The following TMEM232 variants were observed in gnomAD, a reference collection of about 807,000 sequenced individuals.
TMEM232 encodes transmembrane protein 232.
Under a neutral mutation model 78.8 loss-of-function variants are expected in TMEM232, and 80 were observed. The ratio of observed to expected loss-of-function variants is 1.01; its 90% CI spans 0.85 to 1.22. TMEM232 has a LOEUF of 1.22. Among genes scored for constraint, TMEM232 ranks in the 50% most tolerant of loss-of-function variants. TMEM232 has a pLI of 0.00. For missense variants in TMEM232, 881 were observed against 742.2 expected (o/e 1.19, Z -2.17); for synonymous variants, 297 against 254.3 (o/e 1.17, Z -1.60).
chr5:110,528,498 T>C, intron 12 of TMEM232, 90 bp downstream of exon 12: 1 of 1,323,940 alleles, frequency 7.6e-7, no homozygotes, highest in Non-Finnish European at 9.8e-7. Flanking sequence ...AGAAACTGAG[T>C]TAAATGATGT....
intron 10 of TMEM232, among the ~76,000 whole-genome samples, chr5:110,573,791 G>A (rs1271787747): frequency 6.6e-6 from 1 of 152,164 alleles, no homozygotes; most frequent in Non-Finnish European, 1.5e-5. Flanking sequence ...CAAGGGAAAA[G>A]CATTTCCAAG....
At chr5:110,513,516 A>G (rs2149478244) in intron 12 of TMEM232, among the ~76,000 whole-genome samples, 1 of 152,282 alleles carries the variant, frequency 6.6e-6, no homozygotes, top group East Asian at 1.9e-4. Context: ...CCAAGTAAAA[A>G]GTCAACAAAG....
intron 11 of TMEM232, among the ~76,000 whole-genome samples, chr5:110,537,276 CTT>C (rs1772497766): frequency 7.0e-6 from 1 of 143,382 alleles, no homozygotes; most frequent in South Asian, 2.1e-4. Flanking sequence ...AAAGAGAAAA[CTT>C]ATATATATAT....
At position 110,651,793 on chromosome 5, in the gene TMEM232, C is replaced by T. The variant is rs150983423; in HGVS notation, c.126-9422G>A. ...TGGGGCAAGGGATGGAGGCAGTGGA[C>T]ATGAAGAAACTGTGCTTCAGGTCGC... On this transcript the variant is annotated intron_variant, in intron 2 of 13. Coordinates refer to ENST00000455884, the MANE Select transcript of TMEM232 (RefSeq NM_001039763.4). Among the ~76,000 whole-genome samples the T allele has an allele frequency of 7.2e-5, 11 of 152,052 alleles. No individual in the cohort carries two copies. In the East Asian group the frequency reaches 1.9e-3, roughly 27 times the overall value.
chr5:110,527,199 T>C (rs1770729543), intron 12 of TMEM232, among the ~76,000 whole-genome samples: 1 of 151,828 alleles, frequency 6.6e-6, no homozygotes, highest in Non-Finnish European at 1.5e-5. Flanking sequence ...AAAGATAATA[T>C]GTACAAGTTT....
upstream of TMEM232, chr5:110,738,267 A>T (rs1203148126): frequency 2.3e-6 from 3 of 1,281,808 alleles, no homozygotes; most frequent in African/African-American, 3.1e-5. Context: ...GACGCTCTAC[A>T]GTAGTCCTCT....
chr5:110,620,949 G>T (rs932162701), intron 7 of TMEM232, among the ~76,000 whole-genome samples: 1 of 131,360 alleles, frequency 7.6e-6, no homozygotes, highest in Admixed American at 9.0e-5. Context: ...TGCAACCTCC[G>T]CCTCCTGGGT....
At chr5:110,431,891 GA>G (rs1322847002) in intron 12 of TMEM232, among the ~76,000 whole-genome samples, 1 of 151,594 alleles carries the variant, frequency 6.6e-6, no homozygotes, top group African/African-American at 2.4e-5. Flanking sequence ...ACATATATGA[GA>G]ATGTTCCTAG....
At position 110,643,212 on chromosome 5, in the gene TMEM232, G is replaced by C. The variant is rs78739568; in HGVS notation, c.126-841C>G. ...TTCACTAAGATGGGGAAAATTGTTA[G>C]AGAAGCGGATGTGGGGTGAAGATAG... On this transcript the variant is annotated intron_variant, in intron 2 of 13. Transcript: ENST00000455884. Among the ~76,000 whole-genome samples the C allele has an allele frequency of 5.6e-3, 852 of 152,182 alleles. 8 individuals carry two copies. Among genetic ancestry groups the C allele is most frequent in the African/African-American group, 0.019 (804 of 41,554 alleles).
intron 2 of TMEM232, among the ~76,000 whole-genome samples, chr5:110,653,293 G>C (rs1353865030): frequency 6.6e-6 from 1 of 152,204 alleles, no homozygotes; most frequent in Non-Finnish European, 1.5e-5. Flanking sequence ...CACTTAATCT[G>C]TGGGAGCTAT....
At chr5:110,569,747 G>A (rs1776733527) in intron 10 of TMEM232, among the ~76,000 whole-genome samples, 1 of 151,816 alleles carries the variant, frequency 6.6e-6, no homozygotes, top group African/African-American at 2.4e-5. Flanking sequence ...ACCGGAGGGG[G>A]TACTAACTAT....
chr5:110,608,755 C>T (rs1019928948), intron 8 of TMEM232, among the ~76,000 whole-genome samples: 3 of 151,920 alleles, frequency 2.0e-5, no homozygotes, highest in Admixed American at 1.3e-4. Flanking sequence ...TGGAGTTTGT[C>T]GAAAACAAAA....
In TMEM232 at chr5:110,467,975, G is replaced by A. The variant is rs76757246; in HGVS notation, c.1704-43059C>T. On this transcript the variant is annotated intron_variant, in intron 12 of 13. Transcript: ENST00000455884. The stretch of plus-strand genomic sequence containing the variant: ...TACCTTTACATGACATTCTTCCTGT[G>A]TGCATATTTGTGGCCAATCCCCACT... 1.4e-4 allele frequency among the ~76,000 whole-genome samples: 21 copies of A among 151,924 alleles called. No individual in the cohort carries two copies. The East Asian group carries it at 4.1e-3, about 29-fold the overall frequency.
intron 1 of TMEM232, among the ~76,000 whole-genome samples, chr5:110,669,264 T>C (rs1449084061): frequency 2.6e-5 from 4 of 151,304 alleles, no homozygotes; most frequent in Non-Finnish European, 5.9e-5. Flanking sequence ...GAGAGAAGAA[T>C]CAAATAGATG....
At chr5:110,417,795 T>C (rs1756299144), downstream of TMEM232, 1 of 152,158 alleles carries the variant, frequency 6.6e-6, no homozygotes, top group South Asian at 2.1e-4. Context: ...CCTTGTTTTC[T>C]CTGCTTTGTG....
intron 2 of TMEM232, among the ~76,000 whole-genome samples, chr5:110,733,204 T>C (rs116496041): frequency 2.6e-5 from 4 of 152,252 alleles, no homozygotes; most frequent in African/African-American, 9.6e-5. Context: ...CTGGTGAGGT[T>C]TGCAGTGAAA....
chr5:110,467,912 C>T (rs1285149397), intron 12 of TMEM232, among the ~76,000 whole-genome samples: 1 of 143,794 alleles, frequency 7.0e-6, no homozygotes, highest in Non-Finnish European at 1.5e-5. Flanking sequence ...ATCTTCTATA[C>T]TCTTTGGCTT....
intron 12 of TMEM232, among the ~76,000 whole-genome samples, chr5:110,479,113 C>T (rs1488765566): frequency 6.6e-6 from 1 of 151,304 alleles, no homozygotes; most frequent in East Asian, 1.9e-4. Context: ...CTTCCCTTTC[C>T]CCCTAAAATA....
At chr5:110,390,049 C>T (rs1755124372) in intron 4 of TMEM232, among the ~76,000 whole-genome samples, 1 of 152,094 alleles carries the variant, frequency 6.6e-6, no homozygotes, top group African/African-American at 2.4e-5. Flanking sequence ...AATTTTACCT[C>T]CTGACTTTGG....
Sources: allele counts gnomAD v4.1 joint callset (sites outside exome capture counted in the v4.1 genomes callset), GRCh38; gene constraint gnomAD v4.1.1; transcripts MANE v1.5; gene names NCBI Gene and HGNC (gene_info 2026-07-23, HGNC 2026-07-21).